The following BMERB1 variants were observed in gnomAD, a reference collection of about 807,000 sequenced individuals.
BMERB1 encodes the protein bMERB domain-containing protein 1.
BMERB1 carries 12 observed loss-of-function variants against 23.6 expected under a neutral mutation model. The observed-to-expected ratio is 0.51, with a 90% CI of 0.33 to 0.82. The LOEUF (loss-of-function observed/expected upper bound fraction) is 0.82. Ranked by LOEUF, BMERB1 falls within the 40% of genes least tolerant of loss-of-function variation. The pLI, the probability that BMERB1 is intolerant of heterozygous loss-of-function variation, is 0.03. For missense variants in BMERB1, 247 were observed against 255.4 expected (o/e 0.97, Z 0.22); for synonymous variants, 122 against 96.6 (o/e 1.26, Z -1.54).
intron 2 of BMERB1, among the ~76,000 whole-genome samples, chr16:15,516,057 C>A (rs2051748274): frequency 6.6e-6 from 1 of 152,076 alleles, no homozygotes; most frequent in Non-Finnish European, 1.5e-5. Flanking sequence ...TCCTGGAGTT[C>A]AAGGCTGCAG....
chr16:15,467,055 A>G (rs912546733), intron 1 of BMERB1, among the ~76,000 whole-genome samples: 12 of 152,318 alleles, frequency 7.9e-5, no homozygotes, highest in African/African-American at 2.4e-4. Context: ...GCCAAGTAAT[A>G]TTCCATTGTA....
chr16:15,521,100 T>G (rs931232039), intron 2 of BMERB1, among the ~76,000 whole-genome samples: 1 of 152,180 alleles, frequency 6.6e-6, no homozygotes, highest in African/African-American at 2.4e-5. Context: ...TTTTAGTTGG[T>G]CAGGGAGATG....
intron 2 of BMERB1, among the ~76,000 whole-genome samples, chr16:15,566,520 G>T (rs951744521): frequency 6.6e-6 from 1 of 152,116 alleles, no homozygotes; most frequent in Non-Finnish European, 1.5e-5. Context: ...TCAGCTGAGT[G>T]CAGTGGCTCA....
At chr16:15,569,603 A>G (rs1200364414) in intron 3 of BMERB1, among the ~76,000 whole-genome samples, 1 of 152,164 alleles carries the variant, frequency 6.6e-6, no homozygotes, top group Non-Finnish European at 1.5e-5. Context: ...CATCCAAACT[A>G]TATCAGAATG....
chr16:15,439,326 A>G (rs1470201520), intron 1 of BMERB1, among the ~76,000 whole-genome samples: 2 of 147,954 alleles, frequency 1.4e-5, no homozygotes. Flanking sequence ...TAATTGTAGT[A>G]ATGCGCACTT....
intron 1 of BMERB1, among the ~76,000 whole-genome samples, chr16:15,441,385 TAA>T (rs869050368): frequency 7.0e-6 from 1 of 142,230 alleles, no homozygotes. Context: ...TAGAGCCCAT[TAA>T]AAAAAAAAAA....
chr16:15,542,418 C>T (rs1433326141), intron 2 of BMERB1, among the ~76,000 whole-genome samples: 4 of 152,066 alleles, frequency 2.6e-5, no homozygotes, highest in African/African-American at 9.7e-5. Context: ...GAGGCCCCAA[C>T]CTGAAGCCAT....
At chr16:15,527,019 CA>C (rs1805542888) in intron 2 of BMERB1, among the ~76,000 whole-genome samples, 1 of 149,258 alleles carries the variant, frequency 6.7e-6, no homozygotes, top group Non-Finnish European at 1.5e-5. Context: ...AAAAATAAAA[CA>C]TTTTATGCAC....
At chr16:15,508,509 G>A (rs153783) in intron 1 of BMERB1, among the ~76,000 whole-genome samples, 86,419 of 151,836 alleles carry the variant, frequency 0.57, 26,851 homozygotes, top group Middle Eastern at 0.74. Flanking sequence ...TGGCCATAGG[G>A]TATCAACCCC....
chr16:15,488,819 A>G (rs2051389979), intron 1 of BMERB1, among the ~76,000 whole-genome samples: 1 of 149,324 alleles, frequency 6.7e-6, no homozygotes, highest in African/African-American at 2.4e-5. Context: ...CTCCGTCTCA[A>G]AAAAAAAAAA....
chr16:15,504,518 G>T (rs964106769), intron 1 of BMERB1, among the ~76,000 whole-genome samples: 17 of 150,782 alleles, frequency 1.1e-4, no homozygotes, highest in African/African-American at 4.2e-4. Context: ...CACCATCATA[G>T]ATCACTGAAG....
intron 1 of BMERB1, among the ~76,000 whole-genome samples, chr16:15,476,645 A>G (rs2051277292): frequency 6.6e-6 from 1 of 152,252 alleles, no homozygotes; most frequent in Admixed American, 6.5e-5. Flanking sequence ...TGCCAACACC[A>G]GGGTGAGAAG....
chr16:15,499,609 T>C (rs1056823149), intron 1 of BMERB1, among the ~76,000 whole-genome samples: 13 of 152,120 alleles, frequency 8.5e-5, no homozygotes, highest in African/African-American at 3.1e-4. Flanking sequence ...CAGCTTCTCC[T>C]TGAGTCCACC....
At chr16:15,500,125 C>T (rs530878742) in intron 1 of BMERB1, among the ~76,000 whole-genome samples, 19 of 152,140 alleles carry the variant, frequency 1.2e-4, no homozygotes, top group Non-Finnish European at 2.2e-4. Context: ...TGTGGAGTCC[C>T]CTCCACAGAG....
chr16:15,514,174 C>T (rs60650802), intron 1 of BMERB1, among the ~76,000 whole-genome samples: 10,400 of 151,922 alleles, frequency 0.068, 401 homozygotes, highest in African/African-American at 0.087. Flanking sequence ...GAGACTGAGG[C>T]GGAAGGGTCC....
chr16:15,443,410 C>T (rs2050958378), intron 1 of BMERB1, among the ~76,000 whole-genome samples: 1 of 150,896 alleles, frequency 6.6e-6, no homozygotes, highest in African/African-American at 2.4e-5. Context: ...AAAAAATTAG[C>T]TGGACGTGGT....
intron 1 of BMERB1, among the ~76,000 whole-genome samples, chr16:15,463,282 G>A (rs192442572): frequency 1.3e-5 from 2 of 148,666 alleles, no homozygotes; most frequent in African/African-American, 5.2e-5. Flanking sequence ...TTGTAGAGGC[G>A]GGGATCTCAC....
intron 1 of BMERB1, among the ~76,000 whole-genome samples, chr16:15,505,281 A>G (rs1339160879): frequency 1.3e-5 from 2 of 152,206 alleles, no homozygotes; most frequent in Non-Finnish European, 2.9e-5. Flanking sequence ...ATCAAACAGC[A>G]ATGAATTTCC....
intron 3 of BMERB1, among the ~76,000 whole-genome samples, chr16:15,577,776 C>T (rs2030907320): frequency 1.3e-5 from 2 of 152,242 alleles, no homozygotes; most frequent in South Asian, 4.1e-4. Context: ...AGTGTATTTA[C>T]AGAAGTCATG....
Sources: allele counts gnomAD v4.1 joint callset (sites outside exome capture counted in the v4.1 genomes callset), GRCh38; gene constraint gnomAD v4.1.1; transcripts MANE v1.5; gene names NCBI Gene and HGNC (gene_info 2026-07-23, HGNC 2026-07-21).